The following ASIC2 variants were observed in gnomAD, a reference collection of about 807,000 sequenced individuals.
The protein encoded by ASIC2 is acid sensing ion channel subunit 2.
ASIC2 carries 25 observed loss-of-function variants against 57.3 expected under a neutral mutation model. The ratio of observed to expected loss-of-function variants is 0.44; its 90% CI spans 0.32 to 0.61. The LOEUF (loss-of-function observed/expected upper bound fraction) is 0.61. Ranked by LOEUF, ASIC2 falls within the 20% of genes least tolerant of loss-of-function variation. The pLI, the probability that ASIC2 is intolerant of heterozygous loss-of-function variation, is 0.06. For synonymous variants in ASIC2, 319 were observed against 307.5 expected (o/e 1.04, Z -0.39); for missense variants, 641 against 738.1 (o/e 0.87, Z 1.52).
At chr17:33,043,904 T>C (rs1160632161) in intron 3 of ASIC2, among the ~76,000 whole-genome samples, 2 of 152,194 alleles carry the variant, frequency 1.3e-5, no homozygotes, top group African/African-American at 4.8e-5. Flanking sequence ...GTAGCTGATA[T>C]AGCACTTTGA....
intron 1 of ASIC2, among the ~76,000 whole-genome samples, chr17:33,824,923 A>G (rs1387409970): frequency 6.6e-6 from 1 of 152,170 alleles, no homozygotes; most frequent in Non-Finnish European, 1.5e-5. Context: ...CAGTGTGAGA[A>G]CAGACTAATA....
At position 33,520,356 on chromosome 17, in the gene ASIC2, C is replaced by T. The variant is rs533530537; in HGVS notation, c.556-408289G>A. Among the ~76,000 whole-genome samples the T allele has an allele frequency of 4.1e-4, 62 of 152,306 alleles. No homozygotes were observed. The South Asian group carries it at 0.012, about 29-fold the overall frequency. On this transcript the variant is annotated intron_variant, in intron 1 of 9. Coordinates refer to the ASIC2 transcript ENST00000359872. ...CTTGTGTCTGCACCTGCAGAACATA[C>T]GCTCTTTGGCCAGTGTTTGTCACAG... is the stretch of plus-strand genomic sequence containing the variant.
At chr17:34,075,827 T>C (rs1300546192) in intron 1 of ASIC2, among the ~76,000 whole-genome samples, 5 of 5,310 alleles carry the variant, frequency 9.4e-4, no homozygotes, top group East Asian at 7.8e-3. Context: ...TTTTTCCTTT[T>C]TTTTTTTTTT....
rs117578195 is a variant in ASIC2 at position 33,518,605 on chromosome 17, A to G, written c.556-406538T>C. On this transcript the variant is annotated intron_variant, in intron 1 of 9. Transcript: ENST00000359872. ...AATGAATTGGTTGGACTGATACACT[A>G]CTTATGAGGCTTTTAAAAAACAATA... 6.6e-3 allele frequency among the ~76,000 whole-genome samples: 1,006 copies of G among 152,350 alleles called. 9 individuals carry two copies. The highest frequency in any genetic ancestry group is 9.8e-3 in the Non-Finnish European group (666 of 68,032).
chr17:34,149,696 C>T (rs1904438049), intron 1 of ASIC2, among the ~76,000 whole-genome samples: 1 of 152,184 alleles, frequency 6.6e-6, no homozygotes, highest in Non-Finnish European at 1.5e-5. Flanking sequence ...GATATTACCT[C>T]ACACTTGTTA....
At chr17:33,840,422 C>G (rs563759158) in intron 1 of ASIC2, among the ~76,000 whole-genome samples, 1 of 152,252 alleles carries the variant, frequency 6.6e-6, no homozygotes, top group South Asian at 2.1e-4. Context: ...ACAGCTTATG[C>G]TAAGGCATGA....
chr17:33,866,389 TC>T (rs1399543216), intron 1 of ASIC2, among the ~76,000 whole-genome samples: 2 of 152,190 alleles, frequency 1.3e-5, no homozygotes, highest in Non-Finnish European at 2.9e-5. Context: ...ATGGATATCT[TC>T]ATAGTTTTCT....
chr17:33,544,213 G>A (rs1242293147), intron 1 of ASIC2, among the ~76,000 whole-genome samples: 1 of 152,168 alleles, frequency 6.6e-6, no homozygotes, highest in African/African-American at 2.4e-5. Flanking sequence ...TGTGTCACCA[G>A]TCTGTTCCTT....
intron 1 of ASIC2, among the ~76,000 whole-genome samples, chr17:33,299,029 G>T (rs1905839201): frequency 6.6e-6 from 1 of 152,196 alleles, no homozygotes; most frequent in South Asian, 2.1e-4. Flanking sequence ...GTAATTTATA[G>T]ATTCAATGCC....
intron 1 of ASIC2, among the ~76,000 whole-genome samples, chr17:34,126,473 A>T (rs2142123588): frequency 6.6e-6 from 1 of 152,250 alleles, no homozygotes; most frequent in African/African-American, 2.4e-5. Flanking sequence ...GGGGCTGTTT[A>T]GCCTCAGCCT....
intron 1 of ASIC2, among the ~76,000 whole-genome samples, chr17:33,471,353 T>G (rs1419430645): frequency 1.3e-5 from 2 of 152,212 alleles, no homozygotes; most frequent in African/African-American, 4.8e-5. Context: ...ACACCTGCTC[T>G]TTAGAAACTC....
chr17:33,352,773 C>T (rs1908234679), intron 1 of ASIC2, among the ~76,000 whole-genome samples: 1 of 152,182 alleles, frequency 6.6e-6, no homozygotes, highest in Admixed American at 6.5e-5. Context: ...TCCTCACGTT[C>T]ACCTGCTGCC....
chr17:33,419,244 C>T (rs906606864), intron 1 of ASIC2, among the ~76,000 whole-genome samples: 1 of 152,208 alleles, frequency 6.6e-6, no homozygotes, highest in Non-Finnish European at 1.5e-5. Flanking sequence ...TAAATGTGTG[C>T]TGGGTCTCCT....
chr17:33,714,304 G>A (rs186374076), intron 1 of ASIC2, among the ~76,000 whole-genome samples: 5 of 152,184 alleles, frequency 3.3e-5, no homozygotes, highest in Admixed American at 6.5e-5. Flanking sequence ...GTAAAAGAAC[G>A]TTCATTGCAA....
At chr17:34,125,048 G>T (rs192619425) in intron 1 of ASIC2, among the ~76,000 whole-genome samples, 181 of 151,284 alleles carry the variant, frequency 1.2e-3, no homozygotes, top group African/African-American at 4.2e-3. Context: ...CCCTATTCTG[G>T]AAAAACGTCT....
At chr17:33,370,371 C>T (rs1391280371) in intron 1 of ASIC2, among the ~76,000 whole-genome samples, 1 of 152,208 alleles carries the variant, frequency 6.6e-6, no homozygotes, top group Non-Finnish European at 1.5e-5. Flanking sequence ...GCATGCAGAC[C>T]ATGCTCTGCT....
intron 1 of ASIC2, among the ~76,000 whole-genome samples, chr17:33,830,399 G>A (rs1298747264): frequency 6.6e-6 from 1 of 152,104 alleles, no homozygotes; most frequent in East Asian, 1.9e-4. Context: ...GCATGAGCAT[G>A]ATGTTAGCGG....
At chr17:33,343,407 C>T (rs1228803100) in intron 1 of ASIC2, among the ~76,000 whole-genome samples, 1 of 152,222 alleles carries the variant, frequency 6.6e-6, no homozygotes, top group Non-Finnish European at 1.5e-5. Context: ...TTGGACACTT[C>T]CTCGCCTCTG....
At chr17:34,020,598 G>C (rs78426036) in intron 1 of ASIC2, among the ~76,000 whole-genome samples, 2 of 152,126 alleles carry the variant, frequency 1.3e-5, no homozygotes, top group African/African-American at 4.8e-5. Flanking sequence ...GTTGTCAGAG[G>C]GAGTAATATA....
Sources: gnomAD v4.1 joint callset for allele counts (sites outside exome capture counted in the v4.1 genomes callset) on GRCh38, gnomAD v4.1.1 for gene constraint, MANE v1.5 for transcripts, NCBI Gene and HGNC (gene_info 2026-07-23, HGNC 2026-07-21) for gene names.